ABCA7: variants seen among roughly 807,000 people sequenced by gnomAD.
The protein encoded by ABCA7 is ATP binding cassette subfamily A member 7.
ABCA7 carries 261 observed loss-of-function variants against 227.6 expected under a neutral mutation model. That is an observed-to-expected ratio of 1.15 (90% CI 1.04 to 1.27). ABCA7 has a LOEUF of 1.27. Among genes scored for constraint, ABCA7 ranks in the 50% most tolerant of loss-of-function variants. The pLI is 0.00. For missense variants in ABCA7, 3,331 were observed against 2,924.5 expected (o/e 1.14, Z -3.21); for synonymous variants, 1,488 against 1,279.7 (o/e 1.16, Z -3.47).
In ABCA7 at chr19:1,051,061, C is replaced by T. The variant is rs1005326556; in HGVS notation, c.2684+9C>T. 3.7e-6 allele frequency: 6 copies of T among 1,610,532 alleles called. No individual in the cohort carries two copies. Among genetic ancestry groups the T allele is most frequent in the Admixed American group, 1.7e-5 (1 of 59,892 alleles). On this transcript the variant is annotated intron_variant, in intron 19 of 46. Transcript: ENST00000263094. Reference sequence around the variant, plus strand: ...AACGTGCTGTTTGACATGTGCGTCTCGGCAGGCCCAGAGTGCAGCGGTGGG... The same window carrying T: ...AACGTGCTGTTTGACATGTGCGTCTTGGCAGGCCCAGAGTGCAGCGGTGGG...
At chr19:1,059,187 C>A in intron 40 of ABCA7, 102 bp downstream of exon 40, 1 of 1,254,700 alleles carries the variant, frequency 8.0e-7, no homozygotes, top group Non-Finnish European at 1.1e-6. Flanking sequence ...GTATCCACCA[C>A]CTTTTATTGG....
Position 1,056,091 on chromosome 19 carries a change from C to G in ABCA7, c.4264C>G (p.Arg1422Gly). 1 of 1,599,492 alleles carries G rather than the reference C, an allele frequency of 6.3e-7. No individual in the cohort carries two copies. ...VRYGGFSLGG[R>G]DPGLPSGQEL... is the part of the protein sequence containing the mutation. ...ATACGGAGGCTTCTCGCTGGGGGGC[C>G]GAGACCCAGGCCTGCCCTCGGGCCA... Residue 1422 changes from arginine to glycine, a missense_variant, in exon 32 of 47, where the codon CGA becomes GGA. Arg to Gly is a moderately radical substitution (Grantham distance 125). Coordinates refer to ENST00000263094, the MANE Select transcript of ABCA7 (RefSeq NM_019112.4). This position sits in a 1 kb window ranked among gnomAD's most constrained non-coding sequence, Gnocchi z 4.3.
intron 13 of ABCA7, 99 bp downstream of exon 13, chr19:1,046,505 C>G: frequency 6.8e-7 from 1 of 1,475,522 alleles, no homozygotes; most frequent in South Asian, 1.3e-5. Flanking sequence ...GCGGTCCAGG[C>G]TGCGAACTTT....
At chr19:1,047,680 G>C (rs769261500) in intron 16 of ABCA7, 26 bp downstream of exon 16, 25 of 1,560,830 alleles carry the variant, frequency 1.6e-5, no homozygotes, top group Non-Finnish European at 2.1e-5. Flanking sequence ...CGGGGCTCCG[G>C]GCCGGGTCGC....
At position 1,054,773 on chromosome 19, in the gene ABCA7, C is replaced by A. The variant is rs567094310; in HGVS notation, c.3852-7C>A. ...AGCCCTGACCCTACATCTCCCCTCACACACAGTGAGGACGCCCCAGGGGAC... is the reference window on the plus strand; with the variant it reads ...AGCCCTGACCCTACATCTCCCCTCAAACACAGTGAGGACGCCCCAGGGGAC... On this transcript the variant is annotated splice_polypyrimidine_tract_variant and splice_region_variant and intron_variant, in intron 28 of 46. Transcript: ENST00000263094. This position sits in a 1 kb window ranked among gnomAD's most constrained non-coding sequence, Gnocchi z 4.8. The A allele has an allele frequency of 6.2e-7, 1 of 1,606,778 alleles. No individual in the cohort carries two copies. The highest frequency in any genetic ancestry group is 8.5e-7 in the Non-Finnish European group (1 of 1,177,042).
Position 1,053,503 on chromosome 19 carries a change from A to G in ABCA7, c.3395A>G (p.Tyr1132Cys), listed in dbSNP as rs1037451966. 5.1e-6 allele frequency: 8 copies of G among 1,576,472 alleles called. No homozygotes were observed. In the African/African-American group the frequency reaches 9.5e-5, roughly 19 times the overall value. ...CTGGCGGAGCTGAGGCTCACTGGCT[A>G]CGGGATCTCCGACACCAGCCTCGAG... ...TRLAELRLTG[Y>C]GISDTSLEEI... Residue 1132 changes from tyrosine (Y) to cysteine (C), a missense_variant, in exon 24 of 47, where the codon TAC (tyrosine) becomes TGC (cysteine). By Grantham distance (194) the Tyr-to-Cys change is radical. Transcript: ENST00000263094.
At position 1,054,343 on chromosome 19, in the gene ABCA7, T is replaced by G. The variant is rs1599673379; in HGVS notation, c.3726+2T>G. 6.3e-7 allele frequency: 1 copy of G among 1,592,826 alleles called. No individual in the cohort carries two copies. Among genetic ancestry groups the G allele is most frequent in the South Asian group, 1.1e-5 (1 of 90,184 alleles). On this transcript the variant is annotated splice_donor_variant, in intron 27 of 46. Transcript: ENST00000263094. LOFTEE classifies it high-confidence loss of function. The surrounding 1 kb of genome is among the most constrained non-coding windows in gnomAD (Gnocchi z 4.8). ...AGCCGCCGCGGCCTGTTCGCCCAGG[T>G]GAGGAGGGCTAGCACCAGGGAGTCG...
rs771114322 is a variant in ABCA7 at position 1,055,289 on chromosome 19, C to T, written c.4143C>T (p.Asn1381=). The T allele has an allele frequency of 2.5e-6, 4 of 1,604,608 alleles. No homozygotes were observed. The highest frequency in any genetic ancestry group is 3.4e-6 in the Non-Finnish European group (4 of 1,176,882). ...CCGGCTCTGGGGAAGTGGTTCAGAA[C>T]CTGACAGGCCGGAACCTGTCTGACT... The part of the protein sequence containing the change: ...AVTGSGEVVQ[N]LTGRNLSDFL... Residue 1381 remains asparagine, a synonymous_variant, in exon 30 of 47, where the codon AAC becomes AAT. Transcript: ENST00000263094.
At chr19:1,042,250 G>A in intron 5 of ABCA7, 65 bp from the exon 6 acceptor site, 8 of 1,585,764 alleles carry the variant, frequency 5.0e-6, no homozygotes, top group Non-Finnish European at 6.0e-6. Flanking sequence ...ATGGGCACAG[G>A]GTGGGGGTGG....
In ABCA7 at chr19:1,054,074, C is replaced by T. The variant is rs2042023542; in HGVS notation, c.3541C>T (p.Pro1181Ser). Residue 1181 changes from proline (P) to serine (S), a missense_variant, in exon 26 of 47, where the codon CCG becomes TCG. By Grantham distance (74) the Pro-to-Ser change is moderately conservative. Coordinates refer to ENST00000263094, the MANE Select transcript of ABCA7 (RefSeq NM_019112.4). The surrounding 1 kb of genome is among the most constrained non-coding windows in gnomAD (Gnocchi z 4.8). ...GLDVTLRLKMPPQETALENGE... is the reference protein window; with the variant it reads ...GLDVTLRLKMSPQETALENGE... ...AGACGTAACCCTACGGCTCAAGATG[C>T]CGCCACAGGAGACAGCGCTGGAGAA... 6.2e-7 allele frequency: 1 copy of T among 1,613,192 alleles called. No individual in the cohort carries two copies. The highest frequency in any genetic ancestry group is 8.5e-7 in the Non-Finnish European group (1 of 1,179,972).
chr19:1,042,697 C>T (rs1359635747), intron 6 of ABCA7, 49 bp from the exon 7 acceptor site: 1 of 1,572,458 alleles, frequency 6.4e-7, no homozygotes, highest in African/African-American at 1.3e-5. Context: ...GCGCTGGACC[C>T]CTAGTGAGTG....
intron 45 of ABCA7, chr19:1,064,728 A>G: frequency 1.1e-6 from 1 of 887,298 alleles, no homozygotes; most frequent in Non-Finnish European, 1.6e-6. Context: ...AAAAAATTTA[A>G]AAATTAGCTG....
rs997432842 is a variant in ABCA7, at chr19:1,056,062, A to G, written c.4239-4A>G. ...TCCCCTTCCCTGCCTGCATGGCCCCACAGATACGGAGGCTTCTCGCTGGGG... is the reference window on the plus strand; with the variant it reads ...TCCCCTTCCCTGCCTGCATGGCCCCGCAGATACGGAGGCTTCTCGCTGGGG... On this transcript the variant is annotated splice_polypyrimidine_tract_variant and splice_region_variant and intron_variant, in intron 31 of 46. Coordinates refer to ENST00000263094, the MANE Select transcript of ABCA7 (RefSeq NM_019112.4). This position sits in a 1 kb window ranked among gnomAD's most constrained non-coding sequence, Gnocchi z 4.3. 2.0e-5 allele frequency: 32 copies of G among 1,579,512 alleles called. No homozygotes were observed. Among genetic ancestry groups the G allele is most frequent in the Non-Finnish European group, 2.7e-5 (31 of 1,160,354 alleles).
At chr19:1,047,797 G>A in intron 16 of ABCA7, 143 bp downstream of exon 16, 1 of 971,302 alleles carries the variant, frequency 1.0e-6, no homozygotes, top group Non-Finnish European at 1.5e-6. Context: ...GCACACGCAT[G>A]CAGGTGGCTG....
At chr19:1,049,075 C>G (rs1398735980) in intron 17 of ABCA7, 70 bp downstream of exon 17, 1 of 975,488 alleles carries the variant, frequency 1.0e-6, no homozygotes, top group Non-Finnish European at 1.5e-6. Flanking sequence ...CGAGATTCCA[C>G]AGATGCCAAT....
intron 40 of ABCA7, among the ~76,000 whole-genome samples, chr19:1,061,058 C>T (rs2042618590): frequency 6.6e-6 from 1 of 152,072 alleles, no homozygotes; most frequent in Non-Finnish European, 1.5e-5. Context: ...CTGCCTAGCT[C>T]CCCCGGGGCC....
At position 1,052,061 on chromosome 19, in the gene ABCA7, C is replaced by G. The variant is rs1214976914; in HGVS notation, c.3082C>G (p.His1028Asp). The G allele has an allele frequency of 1.9e-6, 3 of 1,612,268 alleles. No homozygotes were observed. Among genetic ancestry groups the G allele is most frequent in the Non-Finnish European group, 2.5e-6 (3 of 1,179,886 alleles). ...TGGCTCCCCACTCTTCCTGCGCCGTCACCTGGGCTCCGGCTACTACCTGAC... is the reference window on the plus strand; with the variant it reads ...TGGCTCCCCACTCTTCCTGCGCCGTGACCTGGGCTCCGGCTACTACCTGAC... ...CCGSPLFLRRHLGSGYYLTLV... is the reference protein window; with the variant it reads ...CCGSPLFLRRDLGSGYYLTLV... Residue 1028 changes from histidine to aspartate, a missense_variant, in exon 22 of 47, where the codon CAC becomes GAC. Coordinates refer to ENST00000263094, the MANE Select transcript of ABCA7 (RefSeq NM_019112.4).
Position 1,054,938 on chromosome 19 carries a change from C to A in ABCA7, c.3950+60C>A. 3 of 1,555,460 alleles carry A rather than the reference C, an allele frequency of 1.9e-6. No homozygotes were observed. Among genetic ancestry groups the A allele is most frequent in the Admixed American group, 1.8e-5 (1 of 54,358 alleles). On this transcript the variant is annotated intron_variant, in intron 29 of 46. Transcript: ENST00000263094. This position sits in a 1 kb window ranked among gnomAD's most constrained non-coding sequence, Gnocchi z 4.8. ...TCTGGCCTCAGTTTTCCCATCTGGT[C>A]CCTGGCCAGGGAGCCTCAGGGGGCA...
chr19:1,062,644 G>A (rs1285150036), intron 42 of ABCA7, among the ~76,000 whole-genome samples: 2 of 151,894 alleles, frequency 1.3e-5, no homozygotes, highest in South Asian at 2.1e-4. Flanking sequence ...CTAGGGCTTC[G>A]CGCCTTTCTC....
Sources: gnomAD v4.1 joint callset for allele counts (sites outside exome capture counted in the v4.1 genomes callset) on GRCh38, gnomAD v4.1.1 for gene constraint, Gnocchi (gnomAD v3.1) non-coding constraint, MANE v1.5 for transcripts, NCBI Gene and HGNC (gene_info 2026-07-23, HGNC 2026-07-21) for gene names.